IREB2: variants seen among roughly 807,000 people sequenced by gnomAD.
The protein encoded by IREB2 is iron responsive element binding protein 2.
Under a neutral mutation model 118.8 loss-of-function variants are expected in IREB2, and 39 were observed. The ratio of observed to expected loss-of-function variants is 0.33; its 90% CI spans 0.25 to 0.43. IREB2 has a LOEUF of 0.43. Among genes scored for constraint, IREB2 ranks in the 20% least tolerant of loss-of-function variants. The pLI is 1.00. For missense variants in IREB2, 900 were observed against 1,147.3 expected (o/e 0.78, Z 3.11); for synonymous variants, 372 against 392.2 (o/e 0.95, Z 0.61).
At chr15:78,490,905 A>T in intron 18 of IREB2, 144 bp downstream of exon 18, 391 of 546,814 alleles carry the variant, frequency 7.2e-4, no homozygotes, top group East Asian at 1.9e-3. Context: ...TTAAGCAAGA[A>T]TGGAGAGTGG....
intron 21 of IREB2, among the ~76,000 whole-genome samples, 196 bp from the exon 22 acceptor site, chr15:78,497,837 A>T (rs1337810637): frequency 6.6e-6 from 1 of 152,228 alleles, no homozygotes; most frequent in Admixed American, 6.5e-5. Flanking sequence ...TATGAAGCCC[A>T]TGGTCAGGTA....
At chr15:78,495,996 C>T (rs2051831795) in intron 20 of IREB2, among the ~76,000 whole-genome samples, 1 of 152,198 alleles carries the variant, frequency 6.6e-6, no homozygotes, top group Non-Finnish European at 1.5e-5. Flanking sequence ...GGGGATTGAG[C>T]TGGATCTTAC....
At chr15:78,496,990 T>C (rs1198243063) in intron 20 of IREB2, 136 bp from the exon 21 acceptor site, 1 of 638,098 alleles carries the variant, frequency 1.6e-6, no homozygotes, top group Non-Finnish European at 2.8e-6. Context: ...AATACTTTGA[T>C]AAAATATTGA....
intron 2 of IREB2, among the ~76,000 whole-genome samples, chr15:78,446,196 GA>G (rs1261252149): frequency 1.3e-5 from 2 of 152,282 alleles, no homozygotes; most frequent in East Asian, 3.9e-4. Context: ...GTGGACTCTT[GA>G]AAAGACTGGG....
At chr15:78,473,042 A>G (rs2051405878) in intron 7 of IREB2, among the ~76,000 whole-genome samples, 200 bp from the exon 8 acceptor site, 2 of 152,248 alleles carry the variant, frequency 1.3e-5, no homozygotes, top group South Asian at 4.1e-4. Context: ...ATATAAAGGT[A>G]AAATAATAGT....
intron 5 of IREB2, among the ~76,000 whole-genome samples, chr15:78,467,664 TGG>T (rs2051306513): frequency 6.6e-6 from 1 of 151,998 alleles, no homozygotes; most frequent in Admixed American, 6.5e-5. Flanking sequence ...CACTCCAGCC[TGG>T]GTGACAGAGC....
intron 18 of IREB2, among the ~76,000 whole-genome samples, chr15:78,491,580 C>T (rs1307457871): frequency 6.6e-6 from 1 of 152,294 alleles, no homozygotes. Flanking sequence ...TCACTGCCAC[C>T]TCTGCATCCC....
intron 2 of IREB2, among the ~76,000 whole-genome samples, chr15:78,442,806 C>G (rs2050864817): frequency 6.6e-6 from 1 of 152,078 alleles, no homozygotes; most frequent in Admixed American, 6.6e-5. Context: ...GGCATTATGT[C>G]CAAGTTAAAT....
intron 20 of IREB2, among the ~76,000 whole-genome samples, chr15:78,495,301 A>G (rs1433668361): frequency 6.6e-6 from 1 of 152,222 alleles, no homozygotes; most frequent in African/African-American, 2.4e-5. Flanking sequence ...ATGAGTATTA[A>G]TGATAGGTAT....
At chr15:78,480,272 C>T (rs1338595880) in intron 10 of IREB2, 1 of 152,164 alleles carries the variant, frequency 6.6e-6, no homozygotes, top group Non-Finnish European at 1.5e-5. Context: ...TCTATTAGAT[C>T]TAGTGCTTTG....
At chr15:78,468,720 T>C (rs2051326809) in intron 5 of IREB2, among the ~76,000 whole-genome samples, 1 of 152,208 alleles carries the variant, frequency 6.6e-6, no homozygotes, top group Non-Finnish European at 1.5e-5. Flanking sequence ...TTCTAAAATA[T>C]TGGGCTTAAT....
At chr15:78,466,042 C>T (rs1445546342) in intron 4 of IREB2, among the ~76,000 whole-genome samples, 2 of 152,130 alleles carry the variant, frequency 1.3e-5, no homozygotes, top group African/African-American at 4.8e-5. Context: ...AGTGATTTTA[C>T]TGGACGCTTA....
chr15:78,438,243 C>T lies in IREB2; in HGVS notation c.-95C>T, dbSNP rs2141436003. On this transcript the variant is annotated 5_prime_UTR_variant, in exon 1 of 22. Coordinates refer to ENST00000258886, the MANE Select transcript of IREB2 (RefSeq NM_004136.4). ...GCCTGCTTCCTTCTTTCCTCCCTTGCCAGTCCGCCTGTCTTCCTCCCCGTC... is the reference window on the plus strand; with the variant it reads ...GCCTGCTTCCTTCTTTCCTCCCTTGTCAGTCCGCCTGTCTTCCTCCCCGTC... 2.1e-6 allele frequency: 2 copies of T among 950,600 alleles called. No homozygotes were observed. The highest frequency in any genetic ancestry group is 3.3e-6 in the Non-Finnish European group (2 of 598,540). 58.9% of individuals were successfully genotyped at this position (950,600 alleles called of 1,614,324 possible). A position where few individuals can be genotyped will look rare whatever the true frequency, so the allele number is the denominator to read the frequency against.
At chr15:78,479,812 T>C (rs2051535323) in intron 10 of IREB2, among the ~76,000 whole-genome samples, 1 of 151,854 alleles carries the variant, frequency 6.6e-6, no homozygotes, top group Non-Finnish European at 1.5e-5. Context: ...TTCCACATCC[T>C]CAGGAGGCTG....
chr15:78,454,795 G>T (rs1282877571), intron 2 of IREB2, among the ~76,000 whole-genome samples: 1 of 152,206 alleles, frequency 6.6e-6, no homozygotes, highest in Non-Finnish European at 1.5e-5. Flanking sequence ...CTGGGCTCAA[G>T]GGAGCCTCCC....
chr15:78,493,285 C>T (rs1266990778), intron 18 of IREB2, among the ~76,000 whole-genome samples: 1 of 152,030 alleles, frequency 6.6e-6, no homozygotes, highest in Non-Finnish European at 1.5e-5. Flanking sequence ...CCAGGACCAC[C>T]CATGTATACC....
chr15:78,452,079 G>A (rs1218084901), intron 2 of IREB2, among the ~76,000 whole-genome samples: 1 of 152,214 alleles, frequency 6.6e-6, no homozygotes, highest in Non-Finnish European at 1.5e-5. Flanking sequence ...ACAGTATAGG[G>A]TTGGGGGACC....
intron 8 of IREB2, chr15:78,474,039 A>G (rs1036325326): frequency 6.6e-6 from 1 of 152,214 alleles, no homozygotes; most frequent in African/African-American, 2.4e-5. Flanking sequence ...TGAATTTTTA[A>G]AATACTGGCT....
chr15:78,480,250 A>G (rs371045965), intron 10 of IREB2: 1 of 152,202 alleles, frequency 6.6e-6, no homozygotes, highest in Non-Finnish European at 1.5e-5. Context: ...TCATTTTCCA[A>G]TCATTTTCAC....
Sources: allele counts gnomAD v4.1 joint callset (sites outside exome capture counted in the v4.1 genomes callset), GRCh38; gene constraint gnomAD v4.1.1; transcripts MANE v1.5; gene names NCBI Gene and HGNC (gene_info 2026-07-23, HGNC 2026-07-21).